Variants in ADGRL1 observed in about 807,000 individuals in gnomAD.
The protein encoded by ADGRL1 is CIRL-1.
ADGRL1 carries 31 observed loss-of-function variants against 148.9 expected under a neutral mutation model. The ratio of observed to expected loss-of-function variants is 0.21; its 90% CI spans 0.16 to 0.28. ADGRL1 has a LOEUF of 0.28. Among genes scored for constraint, ADGRL1 ranks in the 10% least tolerant of loss-of-function variants. The pLI, the probability that ADGRL1 is intolerant of heterozygous loss-of-function variation, is 1.00. For missense variants in ADGRL1, 1,521 were observed against 2,058.8 expected, an observed-to-expected ratio of 0.74 and a Z score of 5.05; for synonymous variants, 937 against 900.3, an observed-to-expected ratio of 1.04 and a Z score of -0.73.
Position 14,159,638 on chromosome 19 carries a change from G to T in ADGRL1, c.1840-54C>A, listed in dbSNP as rs1969133410. The T allele has an allele frequency of 6.3e-7, 1 of 1,594,878 alleles. No homozygotes were observed. On this transcript the variant is annotated intron_variant, in intron 9 of 22. Coordinates refer to ENST00000361434, the MANE Select transcript of ADGRL1 (RefSeq NM_014921.5). This position sits in a 1 kb window ranked among gnomAD's most constrained non-coding sequence, Gnocchi z 6.0. Reference sequence around the variant, plus strand: ...AGCCCCCCAACACCCTCTAATTCCTGGGGGTGGGCTCTGCATGCCCTCTTC... The same window carrying T: ...AGCCCCCCAACACCCTCTAATTCCTTGGGGTGGGCTCTGCATGCCCTCTTC...
Position 14,183,676 on chromosome 19 carries a change from C to T in ADGRL1, c.-74G>A. On this transcript the variant is annotated 5_prime_UTR_variant, in exon 2 of 23. Coordinates refer to ENST00000361434, the MANE Select transcript of ADGRL1 (RefSeq NM_014921.5). ...GCTTTGCCCCACATCACCTGGCAGG[C>T]ACCACGGCCTGGACCACCAGCCTGG... 3 of 1,357,176 alleles carry T rather than the reference C, an allele frequency of 2.2e-6. No homozygotes were observed. The highest frequency in any genetic ancestry group is 1.4e-5 in the African/African-American group (1 of 69,214). The allele number at this position is 1,357,176 out of a possible 1,614,324, so 84.1% of individuals were successfully genotyped here.
At position 14,163,149 on chromosome 19, in the gene ADGRL1, C is replaced by T. The variant is rs754888851; in HGVS notation, c.652G>A (p.Val218Ile). The T allele has an allele frequency of 5.0e-6, 8 of 1,613,974 alleles. No homozygotes were observed. The highest frequency in any genetic ancestry group is 3.3e-5 in the Admixed American group (2 of 60,028). ...GTGFVVYDGA[V>I]FYNKERTRNI... The stretch of plus-strand genomic sequence containing the variant: ...CGCGTGCGCTCCTTGTTGTAGAAGA[C>T]GGCACCATCGTAGACCACAAAGCCT... The change falls in exon 5 of 23, where the codon GTC becomes ATC. Residue 218 changes from valine to isoleucine, a missense_variant. Physicochemically the swap from Val to Ile is conservative, Grantham distance 29 (BLOSUM62 3). This residue lies in a region of ADGRL1 where 334 missense variants were observed against 512.5 expected (regional missense o/e 0.65). Transcript: ENST00000361434.
chr19:14,163,489 AGAGAGAGAGG>A, intron 4 of ADGRL1, 83 bp from the exon 5 acceptor site: 2 of 1,055,312 alleles, frequency 1.9e-6, no homozygotes, highest in Non-Finnish European at 2.6e-6. Flanking sequence ...AGAGAGAGAG[AGAGAGAGAGG>A]GGGGAGAGAG....
chr19:14,159,100 G>A lies in ADGRL1; in HGVS notation c.2139C>T (p.Asn713=). ...GCCGGGGACACTGACCATTGCGGCT[G>A]TTCTGCTTGATGGTTTTGGCAGACA... ...IQLSAKTIKQ[N]SRNGVVKVVF... Residue 713 remains asparagine, a synonymous_variant, in exon 11 of 23, where the codon AAC becomes AAT. Coordinates refer to ENST00000361434, the MANE Select transcript of ADGRL1 (RefSeq NM_014921.5). The surrounding 1 kb of genome is among the most constrained non-coding windows in gnomAD (Gnocchi z 6.0). The A allele has an allele frequency of 6.2e-7, 1 of 1,614,012 alleles. No homozygotes were observed. Among genetic ancestry groups the A allele is most frequent in the Non-Finnish European group, 8.5e-7 (1 of 1,180,028 alleles).
Position 14,158,004 on chromosome 19 carries a change from G to C in ADGRL1, c.2413C>G (p.Arg805Gly), listed in dbSNP as rs1349142806. 3 of 1,614,084 alleles carry C rather than the reference G, an allele frequency of 1.9e-6. No homozygotes were observed. In the African/African-American group the frequency reaches 4.0e-5, roughly 22 times the overall value. ...GTCGACCAGTAGCCCAGCATGGAAC[G>C]CTCCGAGTAGTTCCAGAAGGAGCAG... ...ANCSFWNYSE[R>G]SMLGYWSTQG... The change falls in exon 13 of 23, where the codon CGT (arginine) becomes GGT (glycine). Residue 805 changes from arginine (R) to glycine (G), a missense_variant. Coordinates refer to ENST00000361434, the MANE Select transcript of ADGRL1 (RefSeq NM_014921.5).
chr19:14,156,753 A>G (rs1347064323), intron 15 of ADGRL1, 29 bp from the exon 16 acceptor site: 3 of 1,591,870 alleles, frequency 1.9e-6, no homozygotes, highest in Admixed American at 3.5e-5. Context: ...CGGGGTATAG[A>G]GAGAAGCCGA....
intron 1 of ADGRL1, among the ~76,000 whole-genome samples, chr19:14,190,582 G>C (rs563626854): frequency 6.6e-6 from 1 of 152,240 alleles, no homozygotes; most frequent in South Asian, 2.1e-4. Context: ...GTGTTTATCT[G>C]AAAGCTGAAA....
chr19:14,197,793 G>A (rs1037265767), intron 1 of ADGRL1, among the ~76,000 whole-genome samples: 4 of 152,156 alleles, frequency 2.6e-5, no homozygotes, highest in African/African-American at 9.7e-5. Flanking sequence ...GGCTCTTGTT[G>A]CATACCCAAC....
rs777940538 is a variant in ADGRL1 at position 14,152,291 on chromosome 19, T to C, written c.3649+18A>G. 2 of 1,604,552 alleles carry C rather than the reference T, an allele frequency of 1.2e-6. No homozygotes were observed. Among genetic ancestry groups the C allele is most frequent in the Admixed American group, 3.4e-5 (2 of 59,514 alleles). On this transcript the variant is annotated intron_variant, in intron 21 of 22. Transcript: ENST00000361434. The surrounding 1 kb of genome is among the most constrained non-coding windows in gnomAD (Gnocchi z 6.1). ...ACCCTCCATTTCCCAACCTGGGATG[T>C]TTCCCCCGTGCTCTCACCTGGGGAG...
At chr19:14,175,255 C>T (rs1018639229) in intron 3 of ADGRL1, among the ~76,000 whole-genome samples, 3 of 152,136 alleles carry the variant, frequency 2.0e-5, no homozygotes, top group Non-Finnish European at 4.4e-5. Flanking sequence ...AACCCCTCCA[C>T]GCTCACACAA....
At chr19:14,178,727 C>T (rs1970989093) in intron 2 of ADGRL1, among the ~76,000 whole-genome samples, 1 of 152,088 alleles carries the variant, frequency 6.6e-6, no homozygotes, top group African/African-American at 2.4e-5. Flanking sequence ...TTCTATGTTG[C>T]CCAAGCTAGT....
chr19:14,150,822 C>T lies in ADGRL1; in HGVS notation c.*51G>A. 1 of 1,583,404 alleles carries T rather than the reference C, an allele frequency of 6.3e-7. No homozygotes were observed. The highest frequency in any genetic ancestry group is 8.6e-7 in the Non-Finnish European group (1 of 1,167,712). ...CTCCCTCTCCCACCAGAGCCCTGCCCAGGGTTCCCTCCCTGGCCTGGGCCA... is the reference window on the plus strand; with the variant it reads ...CTCCCTCTCCCACCAGAGCCCTGCCTAGGGTTCCCTCCCTGGCCTGGGCCA... On this transcript the variant is annotated 3_prime_UTR_variant, in exon 23 of 23. Transcript: ENST00000361434.
intron 1 of ADGRL1, chr19:14,191,058 G>A (rs1449064871): frequency 4.5e-6 from 2 of 445,528 alleles, no homozygotes; most frequent in Non-Finnish European, 9.2e-6. Flanking sequence ...ACCGACTCTA[G>A]CCTGGCCGAC....
At chr19:14,194,878 CTCTT>C (rs1409424670) in intron 1 of ADGRL1, among the ~76,000 whole-genome samples, 2 of 149,010 alleles carry the variant, frequency 1.3e-5, no homozygotes, top group African/African-American at 5.0e-5. Flanking sequence ...CTTCTTTCTT[CTCTT>C]TTTTTTTTTT....
chr19:14,192,520 C>G (rs1432775649), intron 1 of ADGRL1, among the ~76,000 whole-genome samples: 1 of 151,672 alleles, frequency 6.6e-6, no homozygotes, highest in Non-Finnish European at 1.5e-5. Context: ...GGATTACAGG[C>G]GTGAGCCACT....
At position 14,162,687 on chromosome 19, in the gene ADGRL1, G is replaced by A. The variant is rs1384132609; in HGVS notation, c.1114C>T (p.Arg372Cys). ...QFISSVDYNP[R>C]DNQLYVWNNY... is the part of the protein sequence containing the mutation. Reference sequence around the variant, plus strand: ...TTCCAGACGTACAGCTGGTTGTCGCGAGGGTTGTAGTCAACGGAGGAGATG... The same window carrying A: ...TTCCAGACGTACAGCTGGTTGTCGCAAGGGTTGTAGTCAACGGAGGAGATG... The change falls in exon 5 of 23, where the codon CGC (arginine) becomes TGC (cysteine). Residue 372 changes from arginine to cysteine, a missense_variant. Around this residue, in one of 8 missense-constraint regions of ADGRL1, gnomAD observed 270 missense variants for 320.4 expected, o/e 0.84. Transcript: ENST00000361434. This position sits in a 1 kb window ranked among gnomAD's most constrained non-coding sequence, Gnocchi z 5.4. 6 of 1,614,102 alleles carry A rather than the reference G, an allele frequency of 3.7e-6. No homozygotes were observed. Among genetic ancestry groups the A allele is most frequent in the African/African-American group, 1.3e-5 (1 of 75,030 alleles).
intron 3 of ADGRL1, among the ~76,000 whole-genome samples, chr19:14,173,927 G>C (rs1443428361): frequency 7.7e-6 from 1 of 129,612 alleles, no homozygotes; most frequent in African/African-American, 3.0e-5. Context: ...GCCTGGGGGA[G>C]AGCAAGACTC....
At position 14,159,667 on chromosome 19, in the gene ADGRL1, A is replaced by ACCTCCAC; in HGVS notation, c.1839+61_1839+67dup. ...GTGGGCTCTGCATGCCCTCTTCTCAACCTCCACCCCTAATCCCCCCATCAG... is the reference window on the plus strand; with the variant it reads ...GTGGGCTCTGCATGCCCTCTTCTCAACCTCCACCCTCCACCCCTAATCCCCCCATCAG... On this transcript the variant is annotated intron_variant, in intron 9 of 22. Coordinates refer to ENST00000361434, the MANE Select transcript of ADGRL1 (RefSeq NM_014921.5). This position sits in a 1 kb window ranked among gnomAD's most constrained non-coding sequence, Gnocchi z 6.0. The ACCTCCAC allele has an allele frequency of 1.2e-6, 2 of 1,600,824 alleles. No homozygotes were observed. The highest frequency in any genetic ancestry group is 8.6e-7 in the Non-Finnish European group (1 of 1,168,982).
chr19:14,205,726 C>T (rs1972957908), intron 1 of ADGRL1, among the ~76,000 whole-genome samples: 2 of 151,066 alleles, frequency 1.3e-5, no homozygotes, highest in African/African-American at 4.9e-5. Context: ...CCTGCGGTAG[C>T]CCGTCCGCAC....
Sources: allele counts gnomAD v4.1 joint callset (sites outside exome capture counted in the v4.1 genomes callset), GRCh38; gene constraint gnomAD v4.1.1; regional missense constraint gnomAD v4.1.1; non-coding constraint Gnocchi (gnomAD v3.1); transcripts MANE v1.5; gene names NCBI Gene and HGNC (gene_info 2026-07-23, HGNC 2026-07-21).